KCNJ3: variants seen among roughly 807,000 people sequenced by gnomAD.
KCNJ3 encodes G protein-activated inward rectifier potassium channel 1.
In KCNJ3, 4 loss-of-function variants were observed where a neutral mutation model predicts 39.2. The ratio of observed to expected loss-of-function variants is 0.10; its 90% CI spans 0.05 to 0.23. The LOEUF (loss-of-function observed/expected upper bound fraction) is 0.23, where lower values mean the gene tolerates loss of function less well. Ranked by LOEUF, KCNJ3 falls within the 10% of genes least tolerant of loss-of-function variation. KCNJ3 has a pLI of 1.00. For synonymous variants in KCNJ3, 230 were observed against 237.4 expected, an observed-to-expected ratio of 0.97 and a Z score of 0.29; for missense variants, 276 against 634.9, an observed-to-expected ratio of 0.43 and a Z score of 6.08.
At chr2:154,730,254 A>C (rs2105166692) in intron 2 of KCNJ3, among the ~76,000 whole-genome samples, 1 of 152,154 alleles carries the variant, frequency 6.6e-6, no homozygotes, top group South Asian at 2.1e-4. Context: ...ACTGACTCCA[A>C]CTGGAAGAGT....
chr2:154,814,508 G>A (rs1687052080), intron 2 of KCNJ3, among the ~76,000 whole-genome samples: 3 of 151,994 alleles, frequency 2.0e-5, no homozygotes, highest in Non-Finnish European at 4.4e-5. Context: ...GTGGTGGCAG[G>A]AGCCTGTAAT....
intron 2 of KCNJ3, among the ~76,000 whole-genome samples, chr2:154,766,238 T>A (rs1034873781): frequency 6.6e-6 from 1 of 152,216 alleles, no homozygotes; most frequent in Non-Finnish European, 1.5e-5. Flanking sequence ...CATTAACCAG[T>A]TTAACCATTT....
intron 2 of KCNJ3, among the ~76,000 whole-genome samples, chr2:154,751,423 A>T (rs949094329): frequency 6.6e-6 from 1 of 152,002 alleles, no homozygotes; most frequent in East Asian, 1.9e-4. Flanking sequence ...TTTGCCAAGT[A>T]TGTGACATTT....
chr2:154,784,575 G>A (rs777377070), intron 2 of KCNJ3, among the ~76,000 whole-genome samples: 1 of 152,080 alleles, frequency 6.6e-6, no homozygotes, highest in Non-Finnish European at 1.5e-5. Flanking sequence ...TAGAGACAGC[G>A]TTTCACCATG....
chr2:154,810,657 G>C (rs1686993931), intron 2 of KCNJ3, among the ~76,000 whole-genome samples: 1 of 151,948 alleles, frequency 6.6e-6, no homozygotes, highest in African/African-American at 2.4e-5. Flanking sequence ...ATAACAGTTG[G>C]CTTACTATTT....
At chr2:154,779,323 T>A (rs1686393155) in intron 2 of KCNJ3, among the ~76,000 whole-genome samples, 1 of 151,448 alleles carries the variant, frequency 6.6e-6, no homozygotes, top group Admixed American at 6.6e-5. Flanking sequence ...CTTAGGAACC[T>A]AAAAGTTGCT....
chr2:154,715,102 C>T (rs1379398411), intron 2 of KCNJ3, among the ~76,000 whole-genome samples: 1 of 152,158 alleles, frequency 6.6e-6, no homozygotes, highest in African/African-American at 2.4e-5. Flanking sequence ...GGGCAGGGTA[C>T]CTGGCTGCTA....
intron 2 of KCNJ3, among the ~76,000 whole-genome samples, chr2:154,840,172 A>T (rs1687550651): frequency 6.6e-6 from 1 of 152,192 alleles, no homozygotes. Context: ...CAGTTTTCCC[A>T]GCACCATTTA....
chr2:154,810,624 T>A (rs1318947925), intron 2 of KCNJ3, among the ~76,000 whole-genome samples: 3 of 152,080 alleles, frequency 2.0e-5, no homozygotes, highest in Non-Finnish European at 2.9e-5. Context: ...TATTTTTATT[T>A]AAAAAAATCA....
intron 2 of KCNJ3, among the ~76,000 whole-genome samples, chr2:154,735,258 T>C (rs1685509507): frequency 7.6e-6 from 1 of 131,110 alleles, no homozygotes; most frequent in Non-Finnish European, 1.7e-5. Context: ...GGCTACTTTT[T>C]TTTTTTTCTT....
intron 2 of KCNJ3, among the ~76,000 whole-genome samples, chr2:154,785,125 T>C (rs538879994): frequency 1.8e-4 from 28 of 152,310 alleles, no homozygotes; most frequent in African/African-American, 6.5e-4. Flanking sequence ...TGTTCTCTCA[T>C]AGAGAATATA....
intron 2 of KCNJ3, among the ~76,000 whole-genome samples, chr2:154,826,254 G>T (rs1303782340): frequency 6.6e-6 from 1 of 152,128 alleles, no homozygotes; most frequent in Non-Finnish European, 1.5e-5. Context: ...ATAAGAAATA[G>T]TCTGCCCAAT....
intron 2 of KCNJ3, among the ~76,000 whole-genome samples, chr2:154,722,652 T>C (rs1206470122): frequency 1.3e-5 from 2 of 151,942 alleles, no homozygotes; most frequent in African/African-American, 2.4e-5. Flanking sequence ...GGGGGAGCCA[T>C]AGATGGTTTT....
intron 2 of KCNJ3, among the ~76,000 whole-genome samples, chr2:154,823,827 A>G (rs890995998): frequency 6.6e-6 from 1 of 152,104 alleles, no homozygotes; most frequent in African/African-American, 2.4e-5. Flanking sequence ...TGTGATGTCC[A>G]TGGAGTCAGG....
chr2:154,713,541 T>C (rs772756280), intron 2 of KCNJ3, among the ~76,000 whole-genome samples: 1 of 152,200 alleles, frequency 6.6e-6, no homozygotes, highest in African/African-American at 2.4e-5. Context: ...GTTTCAGCTT[T>C]CAGCCCAGGA....
chr2:154,838,377 T>G (rs910865167), intron 2 of KCNJ3, among the ~76,000 whole-genome samples: 9 of 152,160 alleles, frequency 5.9e-5, no homozygotes, highest in African/African-American at 2.2e-4. Flanking sequence ...GAGTGTGTAT[T>G]TTGACTACAA....
chr2:154,748,494 T>G (rs1475733402), intron 2 of KCNJ3, among the ~76,000 whole-genome samples: 1 of 152,056 alleles, frequency 6.6e-6, no homozygotes, highest in African/African-American at 2.4e-5. Flanking sequence ...TGATGTCATC[T>G]AGTGAGAGCA....
chr2:154,717,183 C>T (rs1364516980), intron 2 of KCNJ3, among the ~76,000 whole-genome samples: 3 of 152,118 alleles, frequency 2.0e-5, no homozygotes, highest in African/African-American at 4.8e-5. Flanking sequence ...GAGACAAGTG[C>T]AGGCACTTAG....
At chr2:154,756,048 C>T (rs1685931591) in intron 2 of KCNJ3, among the ~76,000 whole-genome samples, 1 of 152,120 alleles carries the variant, frequency 6.6e-6, no homozygotes, top group Non-Finnish European at 1.5e-5. Context: ...CAGTCTTCAG[C>T]ACCTTTATAT....
Sources: allele counts gnomAD v4.1 joint callset (sites outside exome capture counted in the v4.1 genomes callset), GRCh38; gene constraint gnomAD v4.1.1; transcripts MANE v1.5; gene names NCBI Gene and HGNC (gene_info 2026-07-23, HGNC 2026-07-21).